DMD: variants seen among roughly 807,000 people sequenced by gnomAD.
DMD encodes dystrophin.
A neutral mutation model predicts 330.1 loss-of-function variants in DMD; 63 were observed. The observed-to-expected ratio is 0.19, with a 90% CI of 0.16 to 0.24. DMD has a LOEUF of 0.24. Ranked by LOEUF, DMD falls within the 10% of genes least tolerant of loss-of-function variation. The pLI is 1.00. For missense variants in DMD, 3,344 were observed against 2,684.1 expected (o/e 1.25, Z -5.43); for synonymous variants, 1,223 against 959.8 (o/e 1.27, Z -5.07).
intron 29 of DMD, among the ~76,000 whole-genome samples, chrX:32,421,238 G>A (rs2148025227): frequency 8.9e-6 from 1 of 112,163 alleles, no homozygotes; most frequent in Admixed American, 9.4e-5. Context: ...CATTGAAAAA[G>A]TCCTCAGGTC....
chrX:32,684,802 G>C (rs972467632), intron 9 of DMD, among the ~76,000 whole-genome samples: 1 of 110,840 alleles, frequency 9.0e-6, no homozygotes, highest in Non-Finnish European at 1.9e-5. Context: ...TCCTATTGGG[G>C]CATTCTAGTT....
chrX:31,584,048 G>A (rs1487296878), intron 55 of DMD, among the ~76,000 whole-genome samples: 1 of 107,644 alleles, frequency 9.3e-6, no homozygotes, highest in African/African-American at 3.4e-5. Context: ...TGAGAATGAT[G>A]GTTTCCAGCT....
chrX:33,098,746 A>G (rs2095203639), intron 1 of DMD, among the ~76,000 whole-genome samples: 1 of 111,844 alleles, frequency 8.9e-6, no homozygotes. Flanking sequence ...TTTTGCCACG[A>G]GAGTACACCG....
intron 50 of DMD, among the ~76,000 whole-genome samples, chrX:31,783,067 AG>A (rs898371009): frequency 3.6e-5 from 4 of 111,871 alleles, no homozygotes; most frequent in Non-Finnish European, 7.5e-5. Context: ...CTATTGATGA[AG>A]GGTGGTCATC....
intron 47 of DMD, among the ~76,000 whole-genome samples, chrX:31,887,693 A>G (rs1471085006): frequency 8.9e-6 from 1 of 112,002 alleles, no homozygotes; most frequent in African/African-American, 3.2e-5. Context: ...TACCTGGGCT[A>G]CTTCATTAGA....
intron 7 of DMD, among the ~76,000 whole-genome samples, chrX:32,747,890 AGGCATATAGCTAT>A (rs2070265276): frequency 8.9e-6 from 1 of 111,949 alleles, no homozygotes; most frequent in Non-Finnish European, 1.9e-5. Flanking sequence ...TGTGACACAA[AGGCATATAGCTAT>A]GCCTTCTATA....
intron 7 of DMD, among the ~76,000 whole-genome samples, chrX:32,700,633 A>G (rs1220158510): frequency 8.9e-6 from 1 of 111,758 alleles, no homozygotes; most frequent in Non-Finnish European, 1.9e-5. Flanking sequence ...GAACGTATAC[A>G]TATTTCAAAA....
chrX:32,815,081 G>T (rs934899397), intron 6 of DMD, among the ~76,000 whole-genome samples: 1 of 110,835 alleles, frequency 9.0e-6, no homozygotes, highest in African/African-American at 3.3e-5. Context: ...GCTGCTTAAC[G>T]TGACATTTGA....
At chrX:32,938,820 T>C (rs754661902) in intron 2 of DMD, among the ~76,000 whole-genome samples, 107 of 111,409 alleles carry the variant, frequency 9.6e-4, no homozygotes, top group Non-Finnish European at 1.7e-3. Flanking sequence ...GGGTGTTTAA[T>C]TGTTTGATAC....
intron 1 of DMD, among the ~76,000 whole-genome samples, chrX:33,086,377 A>G (rs964417627): frequency 8.9e-6 from 1 of 112,270 alleles, no homozygotes. Context: ...ATTAAAAAAA[A>G]TAAAATACTT....
intron 2 of DMD, among the ~76,000 whole-genome samples, chrX:32,879,036 CA>C (rs1285039476): frequency 8.7e-4 from 79 of 90,531 alleles, no homozygotes; most frequent in East Asian, 1.9e-3. Flanking sequence ...AAAAAACAAA[CA>C]AAAAAAAAAC....
chrX:32,800,296 C>T (rs1165455427), intron 7 of DMD, among the ~76,000 whole-genome samples: 1 of 111,743 alleles, frequency 8.9e-6, no homozygotes, highest in East Asian at 2.8e-4. Context: ...GTAAATCTAT[C>T]GAAGAGAGTG....
chrX:32,819,765 A>G (rs768913786), intron 5 of DMD, among the ~76,000 whole-genome samples: 11 of 109,343 alleles, frequency 1.0e-4, no homozygotes, highest in African/African-American at 3.7e-4. Flanking sequence ...AATGTACATT[A>G]AGTTGACCAA....
At chrX:33,010,407 G>A (rs900995532) in intron 2 of DMD, among the ~76,000 whole-genome samples, 15 of 108,237 alleles carry the variant, frequency 1.4e-4, no homozygotes, top group Non-Finnish European at 2.9e-4. Flanking sequence ...GGTATAGGTT[G>A]AGCCTCTCAA....
At chrX:32,639,903 A>G (rs2059340860) in intron 11 of DMD, among the ~76,000 whole-genome samples, 1 of 110,730 alleles carries the variant, frequency 9.0e-6, no homozygotes, top group African/African-American at 3.3e-5. Context: ...AAAAAAAGTA[A>G]AAAACATCTA....
At chrX:31,622,865 TATATATATATATACAC>T (rs1302845052) in intron 55 of DMD, among the ~76,000 whole-genome samples, 1 of 80,912 alleles carries the variant, frequency 1.2e-5, no homozygotes, top group African/African-American at 4.7e-5. Flanking sequence ...TATATATATA[TATATATATATATACAC>T]ACACACACAC....
At chrX:31,657,185 A>AT (rs1333486407) in intron 54 of DMD, among the ~76,000 whole-genome samples, 1 of 111,078 alleles carries the variant, frequency 9.0e-6, no homozygotes, top group African/African-American at 3.3e-5. Flanking sequence ...TACAGGTGCT[A>AT]TTTTTTCAGC....
At chrX:32,609,620 T>A (rs1030721798) in intron 12 of DMD, among the ~76,000 whole-genome samples, 4 of 111,456 alleles carry the variant, frequency 3.6e-5, no homozygotes, top group African/African-American at 9.7e-5. Flanking sequence ...CATGAACATC[T>A]AGATCATTTT....
intron 19 of DMD, among the ~76,000 whole-genome samples, chrX:32,499,359 G>A (rs927482803): frequency 1.8e-5 from 2 of 111,073 alleles, no homozygotes; most frequent in Non-Finnish European, 3.8e-5. Context: ...TATTTTCACT[G>A]TGGTAAGCAC....
Sources: gnomAD v4.1 joint callset for allele counts (sites outside exome capture counted in the v4.1 genomes callset) on GRCh38, gnomAD v4.1.1 for gene constraint, MANE v1.5 for transcripts, NCBI Gene and HGNC (gene_info 2026-07-23, HGNC 2026-07-21) for gene names.